The following DENND6A variants were observed in gnomAD, a reference collection of about 807,000 sequenced individuals.
DENND6A encodes DENN domain containing 6A, also known as protein DENND6A.
A neutral mutation model predicts 95.5 loss-of-function variants in DENND6A; 43 were observed. The ratio of observed to expected loss-of-function variants is 0.45; its 90% CI spans 0.35 to 0.58. DENND6A has a LOEUF of 0.58. Ranked by LOEUF, DENND6A falls within the 20% of genes least tolerant of loss-of-function variation. DENND6A has a pLI of 0.00. For missense variants in DENND6A, 574 were observed against 736.0 expected, an observed-to-expected ratio of 0.78 and a Z score of 2.55; for synonymous variants, 257 against 260.4, an observed-to-expected ratio of 0.99 and a Z score of 0.13.
chr3:57,638,450 G>C (rs1456083362), intron 12 of DENND6A, among the ~76,000 whole-genome samples: 1 of 151,862 alleles, frequency 6.6e-6, no homozygotes, highest in Admixed American at 6.6e-5. Context: ...CTGAGGTCAG[G>C]AGTTCGAGAC....
At chr3:57,662,474 A>G (rs1037976648) in intron 5 of DENND6A, among the ~76,000 whole-genome samples, 7 of 152,030 alleles carry the variant, frequency 4.6e-5, no homozygotes, top group African/African-American at 1.7e-4. Context: ...AAGTGTTGGG[A>G]TTACAAGTGT....
chr3:57,652,798 C>T (rs920723553), intron 9 of DENND6A, among the ~76,000 whole-genome samples: 10 of 152,102 alleles, frequency 6.6e-5, no homozygotes, highest in African/African-American at 2.4e-4. Flanking sequence ...ACCAGACAAT[C>T]CTAAACTGAG....
chr3:57,638,967 G>A (rs1023093705), intron 12 of DENND6A, among the ~76,000 whole-genome samples: 4 of 152,040 alleles, frequency 2.6e-5, no homozygotes, highest in South Asian at 2.1e-4. Context: ...GCGTGGTGGC[G>A]TGCACCTGTA....
intron 17 of DENND6A, 48 bp from the exon 18 acceptor site, chr3:57,630,571 C>A: frequency 6.5e-7 from 1 of 1,547,768 alleles, no homozygotes. Context: ...TAACTTATTT[C>A]CTTTCCTCAA....
chr3:57,660,738 C>T, intron 7 of DENND6A, 22 bp downstream of exon 7: 1 of 1,573,666 alleles, frequency 6.4e-7, no homozygotes. Context: ...AAAAAGGAGA[C>T]AATTGAGATA....
At chr3:57,667,676 C>T (rs939525359) in intron 3 of DENND6A, among the ~76,000 whole-genome samples, 2 of 152,148 alleles carry the variant, frequency 1.3e-5, no homozygotes, top group African/African-American at 4.8e-5. Context: ...GACGCCAGTC[C>T]ATAAACTCTT....
rs1416506515 is a variant in DENND6A at position 57,672,317 on chromosome 3, G to C, written c.277-19C>G. 8 of 1,609,332 alleles carry C rather than the reference G, an allele frequency of 5.0e-6. No homozygotes were observed. Among genetic ancestry groups the C allele is most frequent in the Non-Finnish European group, 1.7e-6 (2 of 1,178,412 alleles). On this transcript the variant is annotated intron_variant, in intron 2 of 19. Transcript: ENST00000311128. ...TGGTTTTCTGAAAAAGAAAACAAAA[G>C]TGATGTATGCTGACACATACATAAT...
At position 57,646,454 on chromosome 3, in the gene DENND6A, C is replaced by A. The variant is rs770421947; in HGVS notation, c.819-16G>T. The stretch of plus-strand genomic sequence containing the variant: ...GCAGAAACACCTGAAAGGTGATGCA[C>A]AGTAGAAATACTTTTTAATGTAGCC... On this transcript the variant is annotated splice_polypyrimidine_tract_variant and intron_variant, in intron 9 of 19. Coordinates refer to ENST00000311128, the MANE Select transcript of DENND6A (RefSeq NM_152678.3). 4 of 1,598,846 alleles carry A rather than the reference C, an allele frequency of 2.5e-6. No individual in the cohort carries two copies. In the African/African-American group the frequency reaches 5.4e-5, roughly 22 times the overall value.
chr3:57,689,954 C>T (rs2077245778), intron 1 of DENND6A, among the ~76,000 whole-genome samples: 1 of 151,214 alleles, frequency 6.6e-6, no homozygotes, highest in Admixed American at 6.6e-5. Flanking sequence ...TTCATAGATA[C>T]TCAGGAGGAT....
chr3:57,672,889 A>G (rs1245008770), intron 1 of DENND6A, among the ~76,000 whole-genome samples: 1 of 152,100 alleles, frequency 6.6e-6, no homozygotes, highest in African/African-American at 2.4e-5. Flanking sequence ...GCACGGATAA[A>G]GAAAATGCAG....
intron 3 of DENND6A, among the ~76,000 whole-genome samples, chr3:57,668,064 C>CA (rs368057591): frequency 0.025 from 3,708 of 146,716 alleles, 72 homozygotes; most frequent in Non-Finnish European, 0.036. Flanking sequence ...GACCCTATCT[C>CA]AAAAAAAAAA....
intron 11 of DENND6A, 62 bp from the exon 12 acceptor site, chr3:57,641,809 G>A: frequency 7.2e-7 from 1 of 1,381,966 alleles, no homozygotes; most frequent in Non-Finnish European, 1.0e-6. Context: ...CTAAATCAGT[G>A]AAGAATAGTT....
chr3:57,672,132 G>A, intron 3 of DENND6A, 124 bp downstream of exon 3: 1 of 915,520 alleles, frequency 1.1e-6, no homozygotes, highest in Non-Finnish European at 1.6e-6. Flanking sequence ...CATTAAAATA[G>A]GAATAAAAAT....
At chr3:57,645,592 C>A in intron 11 of DENND6A, 69 bp downstream of exon 11, 2 of 1,193,474 alleles carry the variant, frequency 1.7e-6, no homozygotes, top group South Asian at 1.5e-5. Context: ...GCTTTTATTA[C>A]CAAAAATAAT....
At position 57,626,344 on chromosome 3, in the gene DENND6A, A is replaced by T. The variant is rs1210532684; in HGVS notation, c.*1870T>A. The T allele has an allele frequency of 3.3e-5, 5 of 152,272 alleles. No individual in the cohort carries two copies. Among genetic ancestry groups the T allele is most frequent in the Admixed American group, 6.5e-5 (1 of 15,270 alleles). 9.4% of individuals were successfully genotyped at this position (152,272 alleles called of 1,614,324 possible). On this transcript the variant is annotated 3_prime_UTR_variant, in exon 20 of 20. Transcript: ENST00000311128. ...TATCCTTTACAAATACATACAACTA[A>T]ATTTGGTTATTTAGAGGATAATTCA...
chr3:57,666,292 T>C, intron 3 of DENND6A, 57 bp from the exon 4 acceptor site: 1 of 1,351,174 alleles, frequency 7.4e-7, no homozygotes, highest in Non-Finnish European at 1.0e-6. Context: ...ATTTATCCAG[T>C]TTCATCAATT....
At chr3:57,654,556 A>C (rs1559816929) in intron 9 of DENND6A, 1 of 886,584 alleles carries the variant, frequency 1.1e-6, no homozygotes, top group Non-Finnish European at 1.4e-6. Flanking sequence ...ACTAGGAACA[A>C]ATAGCAAATA....
intron 18 of DENND6A, 87 bp downstream of exon 18, chr3:57,630,332 GGA>G (rs1365767432): frequency 8.5e-7 from 1 of 1,182,312 alleles, no homozygotes. Flanking sequence ...TATAAAGAGT[GGA>G]TAAAGGGTAC....
rs551450716 is a variant in DENND6A at position 57,692,326 on chromosome 3, C to A, written c.237+456G>T. ...GCATTTCGACTCAGGCTGAGGGAAA[C>A]GCTCAAACAGTTACTGCAAATGACT... is the stretch of plus-strand genomic sequence containing the variant. On this transcript the variant is annotated intron_variant, in intron 1 of 19. Coordinates refer to ENST00000311128, the MANE Select transcript of DENND6A (RefSeq NM_152678.3). 5.3e-5 allele frequency among the ~76,000 whole-genome samples: 8 copies of A among 150,668 alleles called. No individual in the cohort carries two copies. The East Asian group carries it at 1.6e-3, about 29-fold the overall frequency.
Sources: allele counts gnomAD v4.1 joint callset (sites outside exome capture counted in the v4.1 genomes callset), GRCh38; gene constraint gnomAD v4.1.1; transcripts MANE v1.5; gene names NCBI Gene and HGNC (gene_info 2026-07-23, HGNC 2026-07-21).